Variants in PCDHGA2 observed in about 807,000 individuals in gnomAD.
PCDHGA2 encodes protocadherin gamma-A2.
Under a neutral mutation model 59.2 loss-of-function variants are expected in PCDHGA2, and 40 were observed. That is an observed-to-expected ratio of 0.68 (90% CI 0.52 to 0.88). The LOEUF (loss-of-function observed/expected upper bound fraction) is 0.88. PCDHGA2 is among the 40% of genes least tolerant of loss of function. PCDHGA2 has a pLI of 0.00. For missense variants in PCDHGA2, 1,226 were observed against 1,204.0 expected (o/e 1.02, Z -0.27); for synonymous variants, 560 against 526.0 (o/e 1.06, Z -0.89).
intron 1 of PCDHGA2, chr5:141,374,303 C>A: frequency 6.2e-7 from 1 of 1,613,938 alleles, no homozygotes; most frequent in Non-Finnish European, 8.5e-7. Context: ...TAGGATGCAG[C>A]TTTTCTCTCT....
chr5:141,506,870 G>A (rs2099856877), intron 3 of PCDHGA2, among the ~76,000 whole-genome samples: 1 of 152,166 alleles, frequency 6.6e-6, no homozygotes, highest in East Asian at 1.9e-4. Flanking sequence ...GGTGGGTAGA[G>A]AACCAGGTGA....
chr5:141,388,520 G>T, intron 1 of PCDHGA2: 1 of 1,613,822 alleles, frequency 6.2e-7, no homozygotes, highest in Admixed American at 1.7e-5. Flanking sequence ...ACTTGACTTT[G>T]ACTGCCTTGG....
chr5:141,415,747 T>TTTTG, intron 1 of PCDHGA2: 2 of 797,626 alleles, frequency 2.5e-6, no homozygotes, highest in Non-Finnish European at 3.1e-6. Flanking sequence ...AAGGTTTTTT[T>TTTTG]TTTTTTTTTT....
intron 1 of PCDHGA2, chr5:141,375,303 A>T: frequency 3.1e-6 from 5 of 1,613,850 alleles, no homozygotes; most frequent in Non-Finnish European, 4.2e-6. Context: ...TTAGTGACAA[A>T]TGCAGCTCTA....
chr5:141,413,090 C>T, intron 1 of PCDHGA2: 1 of 1,391,312 alleles, frequency 7.2e-7, no homozygotes, highest in South Asian at 1.4e-5. Flanking sequence ...ACAGAGACAC[C>T]CTGAAGCCAC....
chr5:141,399,612 G>A (rs1191904235), intron 1 of PCDHGA2: 1 of 1,613,812 alleles, frequency 6.2e-7, no homozygotes, highest in African/African-American at 1.3e-5. Flanking sequence ...TAGAGCCTCT[G>A]GCACTGGCCT....
In PCDHGA2 at chr5:141,476,714, C is replaced by G. The variant is rs146188020; in HGVS notation, c.2425-18093C>G. 3.1e-6 allele frequency: 5 copies of G among 1,614,036 alleles called. No individual in the cohort carries two copies. Among genetic ancestry groups the G allele is most frequent in the African/African-American group, 2.7e-5 (2 of 74,938 alleles). ...CAAGTACGCGGAGCTGGTGTTGGAGCGCGCCCTGGACCGAGAACGGGAGCC... is the reference window on the plus strand; with the variant it reads ...CAAGTACGCGGAGCTGGTGTTGGAGGGCGCCCTGGACCGAGAACGGGAGCC... On this transcript the variant is annotated intron_variant, in intron 1 of 3. Transcript: ENST00000394576. This position sits in a 1 kb window ranked among gnomAD's most constrained non-coding sequence, Gnocchi z 7.6.
At chr5:141,494,759 C>G (rs776923097) in intron 1 of PCDHGA2, 48 bp from the exon 2 acceptor site, 2 of 1,613,886 alleles carry the variant, frequency 1.2e-6, no homozygotes, top group Middle Eastern at 1.6e-4. Flanking sequence ...GGGTGACATT[C>G]TAACTTCTCA....
chr5:141,374,459 A>G (rs764751595), intron 1 of PCDHGA2: 2 of 1,613,448 alleles, frequency 1.2e-6, no homozygotes, highest in Non-Finnish European at 1.7e-6. Context: ...AATAGTGGAC[A>G]TTAATGACAA....
chr5:141,372,242 G>C (rs965293763), intron 1 of PCDHGA2: 3 of 1,613,274 alleles, frequency 1.9e-6, no homozygotes, highest in Non-Finnish European at 2.5e-6. Context: ...AGCCCGGGCT[G>C]TTCAGCCTGG....
At chr5:141,392,763 A>G in intron 1 of PCDHGA2, 4 of 1,480,256 alleles carry the variant, frequency 2.7e-6, no homozygotes, top group Non-Finnish European at 3.6e-6. Context: ...ACTAAATAAG[A>G]CCCATTTATG....
Position 141,340,227 on chromosome 5 carries a change from A to G in PCDHGA2, c.1256A>G (p.Asn419Ser). ...ALDREQFSFY[N>S]ITLTAKDGGN... ...GACAGGGAACAGTTTTCCTTTTACA[A>G]CATCACTCTAACCGCTAAAGATGGA... Residue 419 changes from asparagine to serine, a missense_variant, in exon 1 of 4, where the codon AAC becomes AGC. By Grantham distance (46) the Asn-to-Ser change is conservative. Transcript: ENST00000394576. 1 of 1,614,178 alleles carries G rather than the reference A, an allele frequency of 6.2e-7. No individual in the cohort carries two copies. Among genetic ancestry groups the G allele is most frequent in the Non-Finnish European group, 8.5e-7 (1 of 1,180,032 alleles).
chr5:141,372,633 A>C, intron 1 of PCDHGA2: 1 of 1,613,996 alleles, frequency 6.2e-7, no homozygotes, highest in Middle Eastern at 1.6e-4. Flanking sequence ...CAGCGAAAGG[A>C]CTTTGCCTTA....
intron 1 of PCDHGA2, among the ~76,000 whole-genome samples, chr5:141,474,243 G>GA (rs1161758975): frequency 2.6e-5 from 4 of 152,050 alleles, no homozygotes; most frequent in Admixed American, 1.3e-4. Context: ...CTGAATAGGG[G>GA]AAAAAAAGAC....
intron 1 of PCDHGA2, chr5:141,357,554 G>C: frequency 1.2e-6 from 2 of 1,614,220 alleles, no homozygotes; most frequent in Non-Finnish European, 1.7e-6. Context: ...CGGGAGAGTT[G>C]TGAGAAAAGC....
At chr5:141,403,344 C>T (rs1307550469) in intron 1 of PCDHGA2, 10 of 1,613,916 alleles carry the variant, frequency 6.2e-6, no homozygotes, top group Non-Finnish European at 8.5e-6. Context: ...GACAGCGCCC[C>T]AAAGTTCCAG....
chr5:141,423,630 T>C, intron 1 of PCDHGA2: 1 of 1,603,994 alleles, frequency 6.2e-7, no homozygotes, highest in Non-Finnish European at 8.5e-7. Flanking sequence ...CAGCTATCAT[T>C]TTAGGCAAAT....
rs745989563 is a variant in PCDHGA2, at chr5:141,490,728, T to G, written c.2425-4079T>G. The G allele has an allele frequency of 6.2e-7, 1 of 1,614,148 alleles. No individual in the cohort carries two copies. Among genetic ancestry groups the G allele is most frequent in the East Asian group, 2.2e-5 (1 of 44,882 alleles). ...GCCTCACCTACTCCATTGTAGGAAA[T>G]CAGGTTCAGGGAGCCCCAGCCTCCT... On this transcript the variant is annotated intron_variant, in intron 1 of 3. Transcript: ENST00000394576. The surrounding 1 kb of genome is among the most constrained non-coding windows in gnomAD (Gnocchi z 5.4).
Position 141,431,794 on chromosome 5 carries a change from A to C in PCDHGA2, c.2425-63013A>C. On this transcript the variant is annotated intron_variant, in intron 1 of 3. Coordinates refer to ENST00000394576, the MANE Select transcript of PCDHGA2 (RefSeq NM_018915.4). The surrounding 1 kb of genome is among the most constrained non-coding windows in gnomAD (Gnocchi z 4.8). ...TTCTGGACGTGAACGACAATGCCCC[A>C]GAAGTGGTCCTCACCTCTCTCGCCA... 1 of 1,614,260 alleles carries C rather than the reference A, an allele frequency of 6.2e-7. No individual in the cohort carries two copies. Among genetic ancestry groups the C allele is most frequent in the Non-Finnish European group, 8.5e-7 (1 of 1,180,046 alleles).
Sources: allele counts gnomAD v4.1 joint callset (sites outside exome capture counted in the v4.1 genomes callset), GRCh38; gene constraint gnomAD v4.1.1; non-coding constraint Gnocchi (gnomAD v3.1); transcripts MANE v1.5; gene names NCBI Gene and HGNC (gene_info 2026-07-23, HGNC 2026-07-21).